The following RAPGEF4 variants were observed in gnomAD, a reference collection of about 807,000 sequenced individuals.
RAPGEF4 encodes the protein Rap guanine nucleotide exchange factor 4, also known as RAP guanine-nucleotide-exchange factor (GEF) 4.
RAPGEF4 carries 66 observed loss-of-function variants against 147.9 expected under a neutral mutation model. That is an observed-to-expected ratio of 0.45 (90% CI 0.37 to 0.55). The LOEUF (loss-of-function observed/expected upper bound fraction) is 0.55. RAPGEF4 is among the 20% of genes least tolerant of loss of function. RAPGEF4 has a pLI of 0.00. For missense variants in RAPGEF4, 1,071 were observed against 1,257.3 expected (o/e 0.85, Z 2.24); for synonymous variants, 419 against 442.7 (o/e 0.95, Z 0.67).
chr2:172,824,314 G>A (rs1315305008), intron 4 of RAPGEF4, among the ~76,000 whole-genome samples: 1 of 152,194 alleles, frequency 6.6e-6, no homozygotes, highest in Non-Finnish European at 1.5e-5. Context: ...GCTTCTGAAA[G>A]CTCCTCAGAT....
chr2:172,788,871 G>A (rs552528473), intron 1 of RAPGEF4, among the ~76,000 whole-genome samples: 1 of 152,044 alleles, frequency 6.6e-6, no homozygotes, highest in Admixed American at 6.6e-5. Context: ...TCCAGCCTGG[G>A]TGACAGAGTG....
At chr2:172,793,413 T>C (rs1016805018) in intron 1 of RAPGEF4, among the ~76,000 whole-genome samples, 1 of 152,154 alleles carries the variant, frequency 6.6e-6, no homozygotes, top group African/African-American at 2.4e-5. Flanking sequence ...GGCCCCCGGC[T>C]CTTATCAGTC....
intron 23 of RAPGEF4, among the ~76,000 whole-genome samples, chr2:173,023,529 ATTGCCTC>A (rs1346264399): frequency 4.6e-5 from 7 of 152,138 alleles, no homozygotes; most frequent in African/African-American, 1.4e-4. Flanking sequence ...TGCTGCTCAC[ATTGCCTC>A]TTCCGTGGCT....
intron 6 of RAPGEF4, among the ~76,000 whole-genome samples, chr2:172,947,817 A>G (rs1413732285): frequency 6.6e-6 from 1 of 152,160 alleles, no homozygotes; most frequent in South Asian, 2.1e-4. Context: ...TAAAGAATAT[A>G]TATACATAGA....
chr2:172,831,266 C>CT (rs71018521), intron 4 of RAPGEF4, among the ~76,000 whole-genome samples: 12,347 of 53,882 alleles, frequency 0.23, 2,576 homozygotes, highest in Middle Eastern at 0.44. Flanking sequence ...AGATAGAAAA[C>CT]TTTTTTTTTT....
At chr2:173,018,321 G>C (rs1458902951) in intron 21 of RAPGEF4, among the ~76,000 whole-genome samples, 1 of 152,204 alleles carries the variant, frequency 6.6e-6, no homozygotes, top group Non-Finnish European at 1.5e-5. Context: ...GGGTAGCAGT[G>C]ATCTGTGAAT....
intron 1 of RAPGEF4, among the ~76,000 whole-genome samples, chr2:172,764,115 A>G (rs540737787): frequency 6.6e-6 from 1 of 152,144 alleles, no homozygotes; most frequent in Non-Finnish European, 1.5e-5. Flanking sequence ...TTAGCCAAGC[A>G]TGGTGGTGCA....
chr2:172,795,189 G>T, intron 2 of RAPGEF4, 22 bp downstream of exon 2: 1 of 1,575,418 alleles, frequency 6.3e-7, no homozygotes, highest in Non-Finnish European at 8.7e-7. Flanking sequence ...AACTCTTGTA[G>T]TATATTTCCA....
chr2:173,051,873 A>G lies in RAPGEF4; in HGVS notation c.*106A>G, dbSNP rs1013077242. On this transcript the variant is annotated 3_prime_UTR_variant, in exon 31 of 31. Coordinates refer to ENST00000397081, the MANE Select transcript of RAPGEF4 (RefSeq NM_007023.4). ...TTGCCACTAGAGAATTCTACAAAAC[A>G]AGCAAAAACACATCCTGAGACACCT... The G allele has an allele frequency of 5.0e-5, 68 of 1,351,220 alleles. No individual in the cohort carries two copies. The Middle Eastern group carries it at 1.1e-3, about 22-fold the overall frequency. 83.7% of individuals were successfully genotyped at this position (1,351,220 alleles called of 1,614,324 possible).
At chr2:172,922,325 T>A in intron 6 of RAPGEF4, 25 bp downstream of exon 6, 1 of 1,593,966 alleles carries the variant, frequency 6.3e-7, no homozygotes, top group Non-Finnish European at 8.6e-7. Flanking sequence ...TCTCTGCCTA[T>A]CTTCTAAAAA....
rs1686350991 is a variant in RAPGEF4 at position 173,052,621 on chromosome 2, T to C, written c.*854T>C. 1.3e-5 allele frequency: 2 copies of C among 152,682 alleles called. No individual in the cohort carries two copies. Among genetic ancestry groups the C allele is most frequent in the South Asian group, 4.1e-4 (2 of 4,836 alleles). 9.5% of individuals were successfully genotyped at this position (152,682 alleles called of 1,614,324 possible). A position where few individuals can be genotyped will look rare whatever the true frequency, so the allele number is the denominator to read the frequency against. On this transcript the variant is annotated 3_prime_UTR_variant, in exon 31 of 31. Coordinates refer to ENST00000397081, the MANE Select transcript of RAPGEF4 (RefSeq NM_007023.4). Reference sequence around the variant, plus strand: ...AAACATATTTTCTGGACTTAAATGTTATTACAAATATCTTAATTTTCAGTA... The same window carrying C: ...AAACATATTTTCTGGACTTAAATGTCATTACAAATATCTTAATTTTCAGTA...
At chr2:172,952,658 A>G (rs2105398003) in intron 6 of RAPGEF4, among the ~76,000 whole-genome samples, 1 of 152,344 alleles carries the variant, frequency 6.6e-6, no homozygotes, top group East Asian at 1.9e-4. Context: ...TGTAAGATCT[A>G]AAAGAGAACC....
At position 173,051,980 on chromosome 2, in the gene RAPGEF4, G is replaced by A. The variant is rs956089668; in HGVS notation, c.*213G>A. ...CTAAAGCTTACACACTCTAGCTTAG[G>A]AATCCCCAGTTTGTGGCTACCCTGT... is the stretch of plus-strand genomic sequence containing the variant. On this transcript the variant is annotated 3_prime_UTR_variant, in exon 31 of 31. Transcript: ENST00000397081. 4.9e-6 allele frequency: 2 copies of A among 404,178 alleles called. No individual in the cohort carries two copies. The highest frequency in any genetic ancestry group is 4.3e-6 in the Non-Finnish European group (1 of 230,790). 25.0% of individuals were successfully genotyped at this position (404,178 alleles called of 1,614,324 possible).
chr2:172,816,482 A>C (rs1688515267), intron 4 of RAPGEF4, among the ~76,000 whole-genome samples: 1 of 152,214 alleles, frequency 6.6e-6, no homozygotes, highest in South Asian at 2.1e-4. Context: ...ATTTTTGGCA[A>C]GAAAATGTGA....
chr2:172,894,176 CT>C (rs1298526798), intron 4 of RAPGEF4: 2 of 152,294 alleles, frequency 1.3e-5, no homozygotes. Flanking sequence ...GCACCACCTT[CT>C]TCTTTTGCTC....
chr2:172,775,233 C>A (rs768581702), intron 1 of RAPGEF4, among the ~76,000 whole-genome samples: 6 of 152,186 alleles, frequency 3.9e-5, no homozygotes, highest in Non-Finnish European at 5.9e-5. Context: ...CCTTTGGGAG[C>A]CCCGTCTCTA....
At chr2:172,793,563 T>A (rs934440438) in intron 1 of RAPGEF4, among the ~76,000 whole-genome samples, 13 of 152,230 alleles carry the variant, frequency 8.5e-5, no homozygotes, top group Non-Finnish European at 1.6e-4. Context: ...CCAGTTCGTT[T>A]CCTCTGATCC....
intron 4 of RAPGEF4, among the ~76,000 whole-genome samples, chr2:172,881,112 C>T (rs1042666258): frequency 3.3e-5 from 5 of 152,202 alleles, no homozygotes; most frequent in African/African-American, 9.6e-5. Flanking sequence ...ATACTGCCCA[C>T]GCTTGTGGAG....
intron 1 of RAPGEF4, among the ~76,000 whole-genome samples, chr2:172,787,956 T>C (rs1264209093): frequency 6.6e-6 from 1 of 152,158 alleles, no homozygotes; most frequent in Non-Finnish European, 1.5e-5. Context: ...TTATAACAAC[T>C]GGAATTTATT....
Sources: allele counts gnomAD v4.1 joint callset (sites outside exome capture counted in the v4.1 genomes callset), GRCh38; gene constraint gnomAD v4.1.1; transcripts MANE v1.5; gene names NCBI Gene and HGNC (gene_info 2026-07-23, HGNC 2026-07-21).